The following AGBL1 variants were observed in gnomAD, a reference collection of about 807,000 sequenced individuals.
AGBL1 encodes cytosolic carboxypeptidase 4.
In AGBL1, 130 loss-of-function variants were observed where a neutral mutation model predicts 118.9. The observed-to-expected ratio is 1.09, with a 90% CI of 0.95 to 1.26. AGBL1 has a LOEUF of 1.26. AGBL1 is among the 50% of genes most tolerant of loss of function. AGBL1 has a pLI of 0.00. For synonymous variants in AGBL1, 555 were observed against 478.9 expected, an observed-to-expected ratio of 1.16 and a Z score of -2.08; for missense variants, 1,584 against 1,298.1, an observed-to-expected ratio of 1.22 and a Z score of -3.38.
intron 19 of AGBL1, among the ~76,000 whole-genome samples, chr15:86,535,516 C>T (rs2083413377): frequency 6.6e-6 from 1 of 152,230 alleles, no homozygotes; most frequent in Admixed American, 6.5e-5. Context: ...GGGATCGATT[C>T]CTATCCTCTT....
At chr15:86,652,027 C>G (rs548248263) in intron 21 of AGBL1, among the ~76,000 whole-genome samples, 1 of 152,234 alleles carries the variant, frequency 6.6e-6, no homozygotes, top group African/African-American at 2.4e-5. Flanking sequence ...AGAAGCCTTC[C>G]ATTGTCTGAG....
At chr15:86,540,759 A>G (rs1316072000) in intron 19 of AGBL1, among the ~76,000 whole-genome samples, 1 of 152,196 alleles carries the variant, frequency 6.6e-6, no homozygotes, top group Non-Finnish European at 1.5e-5. Context: ...GCACCCTGCA[A>G]TTTGAAGAAA....
At chr15:87,016,661 C>G (rs757580855) in intron 24 of AGBL1, among the ~76,000 whole-genome samples, 12 of 152,280 alleles carry the variant, frequency 7.9e-5, no homozygotes, top group Admixed American at 2.0e-4. Context: ...TTGGGATTGA[C>G]TAGGCAAACA....
At chr15:86,695,847 T>C (rs1437751856) in intron 22 of AGBL1, among the ~76,000 whole-genome samples, 1 of 152,054 alleles carries the variant, frequency 6.6e-6, no homozygotes, top group Non-Finnish European at 1.5e-5. Context: ...GATTTCATTA[T>C]TGACCCAATG....
At chr15:86,959,805 C>T (rs1162999771) in intron 23 of AGBL1, among the ~76,000 whole-genome samples, 2 of 152,052 alleles carry the variant, frequency 1.3e-5, no homozygotes, top group African/African-American at 4.8e-5. Flanking sequence ...AATAATGATG[C>T]ACATTATTCT....
chr15:86,868,179 AC>A (rs1301092016), intron 22 of AGBL1, among the ~76,000 whole-genome samples: 1 of 152,220 alleles, frequency 6.6e-6, no homozygotes, highest in African/African-American at 2.4e-5. Context: ...ATGAAAAAAA[AC>A]ATGAAAAAAT....
chr15:86,996,310 A>G (rs1344597855), intron 24 of AGBL1, among the ~76,000 whole-genome samples: 1 of 152,142 alleles, frequency 6.6e-6, no homozygotes, highest in Non-Finnish European at 1.5e-5. Context: ...CATGTCCTGC[A>G]CCTTTCCAGA....
At chr15:86,309,384 G>A (rs1350976021) in intron 17 of AGBL1, among the ~76,000 whole-genome samples, 4 of 152,052 alleles carry the variant, frequency 2.6e-5, no homozygotes, top group African/African-American at 9.7e-5. Context: ...TTTCCAATTA[G>A]GATGCCTTTT....
At chr15:86,261,798 T>C (rs2078990576) in intron 9 of AGBL1, among the ~76,000 whole-genome samples, 1 of 152,058 alleles carries the variant, frequency 6.6e-6, no homozygotes, top group African/African-American at 2.4e-5. Flanking sequence ...CTATCAAGAA[T>C]AAACAATAAA....
At position 86,532,223 on chromosome 15, in the gene AGBL1, C is replaced by A. The variant is rs980093712; in HGVS notation, c.2685+9284C>A. On this transcript the variant is annotated intron_variant, in intron 19 of 22. Coordinates refer to ENST00000614907, the MANE Select transcript of AGBL1 (RefSeq NM_001386094.1). ...TATCTAGAAAACCCCATCATCTCAG[C>A]CCAAAATCTCCTTAAGCTGATAAGC... 4.4e-3 allele frequency among the ~76,000 whole-genome samples: 658 copies of A among 150,878 alleles called. 4 individuals carry two copies. Among genetic ancestry groups the A allele is most frequent in the Non-Finnish European group, 7.7e-3 (523 of 67,738 alleles).
In AGBL1 at chr15:86,546,224, T is replaced by TG. The variant is rs1472233920; in HGVS notation, c.2817+91_2817+92insG. On this transcript the variant is annotated intron_variant, in intron 20 of 22. Coordinates refer to ENST00000614907, the MANE Select transcript of AGBL1 (RefSeq NM_001386094.1). ...CCATGCCCCACTCATTTATTTAGTT[T>TG]TTTTTTTTTTTTGTAAATAAGCATT... 4 of 1,286,108 alleles carry TG rather than the reference T, an allele frequency of 3.1e-6. No homozygotes were observed. In the East Asian group the frequency reaches 1.1e-4, roughly 34 times the overall value. The allele number at this position is 1,286,108 out of a possible 1,614,324, so 79.7% of individuals were successfully genotyped here.
intron 13 of AGBL1, 44 bp from the exon 14 acceptor site, chr15:86,269,875 A>C: frequency 1.9e-6 from 3 of 1,601,650 alleles, no homozygotes; most frequent in Non-Finnish European, 2.6e-6. Context: ...AGTTTACCTG[A>C]AAGACTTTCC....
intron 18 of AGBL1, among the ~76,000 whole-genome samples, chr15:86,449,014 C>G (rs2082160980): frequency 6.6e-6 from 1 of 152,070 alleles, no homozygotes. Context: ...ACAGGTGCAG[C>G]TTTTTGGGGT....
intron 22 of AGBL1, among the ~76,000 whole-genome samples, chr15:86,875,415 A>T (rs866491278): frequency 3.6e-4 from 55 of 152,264 alleles, no homozygotes; most frequent in African/African-American, 1.0e-3. Flanking sequence ...GATTTTTTTT[A>T]AAAAACTTTT....
intron 23 of AGBL1, among the ~76,000 whole-genome samples, chr15:86,932,079 G>A (rs1247552439): frequency 1.3e-5 from 2 of 152,106 alleles, no homozygotes; most frequent in East Asian, 1.9e-4. Context: ...GTTTACTCAC[G>A]GAGGAAGTGA....
intron 21 of AGBL1, among the ~76,000 whole-genome samples, chr15:86,582,306 A>G (rs1054900359): frequency 3.9e-5 from 6 of 152,186 alleles, no homozygotes; most frequent in Non-Finnish European, 7.4e-5. Flanking sequence ...ATGGTATTTG[A>G]ACATGCCAGG....
At chr15:86,958,206 TA>T (rs545565434) in intron 23 of AGBL1, among the ~76,000 whole-genome samples, 3,556 of 125,146 alleles carry the variant, frequency 0.028, 56 homozygotes, top group Non-Finnish European at 0.043. Flanking sequence ...TCTTGTTTCT[TA>T]AAAAAAAAAA....
At chr15:87,016,552 T>A (rs900489477) in intron 24 of AGBL1, among the ~76,000 whole-genome samples, 1 of 152,176 alleles carries the variant, frequency 6.6e-6, no homozygotes, top group African/African-American at 2.4e-5. Context: ...TGGGCCAAGA[T>A]GGCCAATTAA....
intron 11 of AGBL1, among the ~76,000 whole-genome samples, chr15:86,265,647 A>ACC (rs942547210): frequency 3.3e-4 from 50 of 151,962 alleles, no homozygotes; most frequent in African/African-American, 1.2e-3. Flanking sequence ...ATCCAACCCT[A>ACC]CCCCCTGCAC....
Sources: gnomAD v4.1 joint callset for allele counts (sites outside exome capture counted in the v4.1 genomes callset) on GRCh38, gnomAD v4.1.1 for gene constraint, MANE v1.5 for transcripts, NCBI Gene and HGNC (gene_info 2026-07-23, HGNC 2026-07-21) for gene names.